SHANK2: variants seen among roughly 807,000 people sequenced by gnomAD.
The protein encoded by SHANK2 is SH3 and multiple ankyrin repeat domains 2, also known as SH3 and multiple ankyrin repeat domains protein 2.
SHANK2 carries 43 observed loss-of-function variants against 133.7 expected under a neutral mutation model. The ratio of observed to expected loss-of-function variants is 0.32; its 90% CI spans 0.25 to 0.41. The LOEUF is 0.41. SHANK2 is among the 10% of genes least tolerant of loss of function. The pLI is 1.00. For synonymous variants in SHANK2, 1,017 were observed against 952.8 expected (o/e 1.07, Z -1.24); for missense variants, 1,994 against 2,235.8 (o/e 0.89, Z 2.18).
At chr11:71,116,976 C>T (rs1231810805) in intron 4 of SHANK2, among the ~76,000 whole-genome samples, 1 of 152,164 alleles carries the variant, frequency 6.6e-6, no homozygotes, top group Non-Finnish European at 1.5e-5. Context: ...CCTGCAGAAC[C>T]GTGGGCCAAT....
intron 17 of SHANK2, among the ~76,000 whole-genome samples, chr11:70,639,830 C>G (rs1005706837): frequency 3.2e-4 from 48 of 152,070 alleles, no homozygotes; most frequent in Admixed American, 3.1e-3. Context: ...GGGGTCTTTA[C>G]CTGGCTCCTC....
intron 6 of SHANK2, among the ~76,000 whole-genome samples, chr11:71,105,606 A>G (rs1210131068): frequency 5.3e-5 from 8 of 151,184 alleles, no homozygotes; most frequent in Non-Finnish European, 1.2e-4. Context: ...AAAAAAAAAA[A>G]AAAAAAAAGA....
At chr11:70,797,547 T>C (rs964194508) in intron 14 of SHANK2, among the ~76,000 whole-genome samples, 5 of 152,058 alleles carry the variant, frequency 3.3e-5, no homozygotes, top group African/African-American at 4.8e-5. Flanking sequence ...GAACACACGT[T>C]TGTAGGGCCT....
chr11:70,881,236 G>A (rs1399896866), intron 11 of SHANK2, among the ~76,000 whole-genome samples: 1 of 152,006 alleles, frequency 6.6e-6, no homozygotes, highest in African/African-American at 2.4e-5. Flanking sequence ...TTGTAGAGAT[G>A]AAGTCTCACC....
chr11:70,689,678 G>C (rs1266297315), intron 15 of SHANK2, among the ~76,000 whole-genome samples: 5 of 152,084 alleles, frequency 3.3e-5, no homozygotes. Context: ...TTCAGAACTG[G>C]GAACAGAACC....
chr11:70,702,876 T>C (rs2134520089), intron 14 of SHANK2, among the ~76,000 whole-genome samples: 1 of 152,346 alleles, frequency 6.6e-6, no homozygotes, highest in South Asian at 2.1e-4. Flanking sequence ...GTCCTCATTA[T>C]TTCATCTTTA....
At chr11:70,659,759 G>T in intron 17 of SHANK2, 69 bp downstream of exon 17, 3 of 1,599,956 alleles carry the variant, frequency 1.9e-6, no homozygotes, top group Non-Finnish European at 2.6e-6. Context: ...GTGCTGCCAG[G>T]ACTACGACCC....
chr11:71,085,183 A>T (rs1951361059), intron 8 of SHANK2, among the ~76,000 whole-genome samples: 1 of 151,944 alleles, frequency 6.6e-6, no homozygotes, highest in East Asian at 1.9e-4. Context: ...TAGGCTAGGC[A>T]TGGTGGCTCA....
intron 3 of SHANK2, 129 bp downstream of exon 3, chr11:71,146,991 A>G: frequency 1.4e-6 from 1 of 739,416 alleles, no homozygotes; most frequent in Non-Finnish European, 2.1e-6. Flanking sequence ...GTATGGAGCG[A>G]GGAAGGAGCA....
intron 9 of SHANK2, among the ~76,000 whole-genome samples, chr11:71,073,319 C>G (rs1043687588): frequency 6.6e-6 from 1 of 151,540 alleles, no homozygotes; most frequent in Non-Finnish European, 1.5e-5. Context: ...CCATCACACC[C>G]GGCTAATTTT....
intron 11 of SHANK2, among the ~76,000 whole-genome samples, chr11:70,858,459 T>C (rs1263960350): frequency 1.3e-5 from 2 of 152,198 alleles, no homozygotes; most frequent in Admixed American, 1.3e-4. Flanking sequence ...AACCCAGGCA[T>C]GACCTGCACA....
At chr11:70,721,255 G>T (rs957254975) in intron 14 of SHANK2, among the ~76,000 whole-genome samples, 2 of 152,232 alleles carry the variant, frequency 1.3e-5, no homozygotes, top group Non-Finnish European at 2.9e-5. Context: ...GGGCTGTGAG[G>T]GTTTCCCTCA....
At chr11:71,128,672 T>C (rs1293424007) in intron 3 of SHANK2, among the ~76,000 whole-genome samples, 1 of 152,168 alleles carries the variant, frequency 6.6e-6, no homozygotes, top group Non-Finnish European at 1.5e-5. Flanking sequence ...CATCCACATC[T>C]TCCCGTCCCT....
chr11:71,234,178 T>C (rs1591043064), intron 1 of SHANK2, among the ~76,000 whole-genome samples: 1 of 90,596 alleles, frequency 1.1e-5, no homozygotes. Context: ...AAACTCCCTC[T>C]CTACTAAAAA....
chr11:71,226,501 T>A (rs1954646943), intron 1 of SHANK2: 1 of 152,100 alleles, frequency 6.6e-6, no homozygotes, highest in African/African-American at 2.4e-5. Context: ...CCAATATACA[T>A]CAGAATTAAA....
At chr11:70,573,551 G>GA (rs1439738711) in intron 17 of SHANK2, among the ~76,000 whole-genome samples, 52 of 96,874 alleles carry the variant, frequency 5.4e-4, no homozygotes, top group African/African-American at 2.3e-3. Flanking sequence ...TGTGGGGGCG[G>GA]GGGGGGGGTG....
chr11:70,933,380 G>A lies in SHANK2; in HGVS notation c.1108-36813C>T, dbSNP rs140122614. 2.3e-3 allele frequency: 1,039 copies of A among 452,176 alleles called. 9 individuals are homozygous for A. Among genetic ancestry groups the A allele is most frequent in the African/African-American group, 0.019 (948 of 50,000 alleles). The allele number at this position is 452,176 out of a possible 1,614,324, so 28.0% of individuals were successfully genotyped here. ...AGGCTGGGGGAGGAGGGAACAAAGAGTTGGTGTTTAATGGGGACAGAGTTT... is the reference window on the plus strand; with the variant it reads ...AGGCTGGGGGAGGAGGGAACAAAGAATTGGTGTTTAATGGGGACAGAGTTT... On this transcript the variant is annotated intron_variant, in intron 10 of 25. Coordinates refer to ENST00000601538, the MANE Select transcript of SHANK2 (RefSeq NM_012309.5).
chr11:70,623,329 G>A (rs61886373), intron 17 of SHANK2, among the ~76,000 whole-genome samples: 25,034 of 152,290 alleles, frequency 0.16, 2,670 homozygotes, highest in Non-Finnish European at 0.25. Flanking sequence ...CGAGGTTGCC[G>A]ACCTTCCCTG....
intron 9 of SHANK2, among the ~76,000 whole-genome samples, chr11:71,063,390 G>A (rs1241057283): frequency 3.3e-5 from 5 of 152,224 alleles, no homozygotes; most frequent in African/African-American, 1.2e-4. Flanking sequence ...TAATAACAAT[G>A]ATACCTCCAT....
Sources: allele counts gnomAD v4.1 joint callset (sites outside exome capture counted in the v4.1 genomes callset), GRCh38; gene constraint gnomAD v4.1.1; transcripts MANE v1.5; gene names NCBI Gene and HGNC (gene_info 2026-07-23, HGNC 2026-07-21).